UNC5D: variants seen among roughly 807,000 people sequenced by gnomAD.
The protein encoded by UNC5D is unc-5 netrin receptor D, also known as netrin receptor UNC5D.
Under a neutral mutation model 105.4 loss-of-function variants are expected in UNC5D, and 39 were observed. That is an observed-to-expected ratio of 0.37 (90% CI 0.29 to 0.48). The LOEUF (loss-of-function observed/expected upper bound fraction) is 0.48. Among genes scored for constraint, UNC5D ranks in the 20% least tolerant of loss-of-function variants. The pLI is 0.98. For missense variants in UNC5D, 991 were observed against 1,202.4 expected (o/e 0.82, Z 2.60); for synonymous variants, 452 against 450.4 (o/e 1.00, Z -0.04).
chr8:35,399,285 C>T (rs765151572), intron 1 of UNC5D, among the ~76,000 whole-genome samples: 24 of 151,968 alleles, frequency 1.6e-4, no homozygotes, highest in Non-Finnish European at 3.4e-4. Flanking sequence ...ACTCTTCATG[C>T]TATGCAGAAC....
chr8:35,528,442 A>G (rs1439400693), intron 1 of UNC5D, among the ~76,000 whole-genome samples: 1 of 148,648 alleles, frequency 6.7e-6, no homozygotes, highest in Non-Finnish European at 1.5e-5. Flanking sequence ...AATCCAGTCT[A>G]TCATTGTTGG....
chr8:35,467,813 G>A (rs956745641), intron 1 of UNC5D, among the ~76,000 whole-genome samples: 6 of 152,130 alleles, frequency 3.9e-5, no homozygotes, highest in African/African-American at 1.4e-4. Context: ...CATGGAGTGT[G>A]TTTCTGATAA....
At chr8:35,699,672 G>T (rs976669363) in intron 7 of UNC5D, among the ~76,000 whole-genome samples, 1 of 152,136 alleles carries the variant, frequency 6.6e-6, no homozygotes, top group African/African-American at 2.4e-5. Flanking sequence ...CGCTCAGATT[G>T]CATTTTAAAA....
rs568972392 is a variant in UNC5D, at chr8:35,295,275, G to A, written c.103+59388G>A. Reference sequence around the variant, plus strand: ...TACAATAGATTTTATGGTAGTAATTGCTAAAATGGATTAGTATCTCTATAT... The same window carrying A: ...TACAATAGATTTTATGGTAGTAATTACTAAAATGGATTAGTATCTCTATAT... On this transcript the variant is annotated intron_variant, in intron 1 of 16. Coordinates refer to ENST00000404895, the MANE Select transcript of UNC5D (RefSeq NM_080872.4). Among the ~76,000 whole-genome samples, 30 of 152,226 alleles carry A rather than the reference G, an allele frequency of 2.0e-4. No homozygotes were observed. In the East Asian group the frequency reaches 5.6e-3, roughly 28 times the overall value.
rs1031354904 is a variant in UNC5D at position 35,294,760 on chromosome 8, A to G, written c.103+58873A>G. Among the ~76,000 whole-genome samples the G allele has an allele frequency of 9.2e-5, 14 of 151,486 alleles. 1 individual carries two copies. The highest frequency in any genetic ancestry group is 2.9e-4 in the African/African-American group (12 of 41,268). Reference sequence around the variant, plus strand: ...TTCAGTTATTTTGAAATGGATAGCAACCACAGCTGGAGACCTCAATCTACG... The same window carrying G: ...TTCAGTTATTTTGAAATGGATAGCAGCCACAGCTGGAGACCTCAATCTACG... On this transcript the variant is annotated intron_variant, in intron 1 of 16. Transcript: ENST00000404895.
intron 1 of UNC5D, among the ~76,000 whole-genome samples, chr8:35,386,636 T>A (rs1379939208): frequency 6.6e-6 from 1 of 152,238 alleles, no homozygotes; most frequent in Non-Finnish European, 1.5e-5. Context: ...ATTGTTTGGG[T>A]TCCCCCACTT....
chr8:35,576,462 G>A (rs1048964325), intron 3 of UNC5D, among the ~76,000 whole-genome samples: 1 of 152,178 alleles, frequency 6.6e-6, no homozygotes, highest in East Asian at 1.9e-4. Flanking sequence ...AACTAGAAAT[G>A]CCCATTGATG....
intron 11 of UNC5D, 28 bp downstream of exon 11, chr8:35,731,124 G>A (rs774143160): frequency 1.2e-6 from 2 of 1,608,266 alleles, no homozygotes; most frequent in Non-Finnish European, 1.7e-6. Context: ...GCATATTAAA[G>A]AAAGTGGCTC....
chr8:35,580,440 GA>G (rs528300379), intron 3 of UNC5D, among the ~76,000 whole-genome samples: 4 of 150,336 alleles, frequency 2.7e-5, no homozygotes, highest in Admixed American at 2.0e-4. Flanking sequence ...TGCTGATGAG[GA>G]AAAAAAACAA....
chr8:35,683,129 A>G (rs930392032), intron 4 of UNC5D, among the ~76,000 whole-genome samples: 6 of 152,214 alleles, frequency 3.9e-5, no homozygotes, highest in African/African-American at 1.2e-4. Context: ...GTCTAATAAT[A>G]TAATATCCTC....
chr8:35,635,004 G>GATCC (rs1822269441), intron 4 of UNC5D, among the ~76,000 whole-genome samples: 1 of 152,044 alleles, frequency 6.6e-6, no homozygotes, highest in Non-Finnish European at 1.5e-5. Flanking sequence ...GACCTCAGGC[G>GATCC]ATCCACCCGC....
intron 7 of UNC5D, among the ~76,000 whole-genome samples, chr8:35,702,115 G>A (rs1827244921): frequency 6.6e-6 from 1 of 151,824 alleles, no homozygotes; most frequent in African/African-American, 2.4e-5. Context: ...TACTCAGAAG[G>A]TACCAATCAG....
At chr8:35,647,417 T>TGA (rs1192584730) in intron 4 of UNC5D, among the ~76,000 whole-genome samples, 2 of 151,838 alleles carry the variant, frequency 1.3e-5, no homozygotes, top group Non-Finnish European at 2.9e-5. Flanking sequence ...TGTGTGTGTG[T>TGA]GATGCTTATG....
chr8:35,444,556 C>G (rs1289150553), intron 1 of UNC5D, among the ~76,000 whole-genome samples: 1 of 152,048 alleles, frequency 6.6e-6, no homozygotes, highest in African/African-American at 2.4e-5. Flanking sequence ...CTCTCTCTCT[C>G]TCTTCCCAAA....
chr8:35,609,863 T>A (rs1367644911), intron 4 of UNC5D, among the ~76,000 whole-genome samples: 1 of 152,226 alleles, frequency 6.6e-6, no homozygotes, highest in Non-Finnish European at 1.5e-5. Context: ...CAGCTGGCTT[T>A]GTCTCTCAGT....
intron 1 of UNC5D, among the ~76,000 whole-genome samples, chr8:35,511,373 T>C (rs561485274): frequency 6.6e-6 from 1 of 151,934 alleles, no homozygotes; most frequent in South Asian, 2.1e-4. Context: ...GTGGTGTGTT[T>C]CTATAGTCCT....
At chr8:35,639,655 T>C (rs1822588702) in intron 4 of UNC5D, among the ~76,000 whole-genome samples, 1 of 152,170 alleles carries the variant, frequency 6.6e-6, no homozygotes, top group South Asian at 2.1e-4. Context: ...AAAATATTGA[T>C]ATAAATTCTG....
intron 4 of UNC5D, among the ~76,000 whole-genome samples, chr8:35,601,138 C>T (rs369380930): frequency 5.3e-5 from 8 of 151,922 alleles, no homozygotes; most frequent in Non-Finnish European, 1.0e-4. Context: ...CTGAGGGCTC[C>T]GTTCTGTTCC....
At chr8:35,434,487 A>G (rs1438585248) in intron 1 of UNC5D, among the ~76,000 whole-genome samples, 1 of 152,086 alleles carries the variant, frequency 6.6e-6, no homozygotes, top group Non-Finnish European at 1.5e-5. Flanking sequence ...CTGGAAATGT[A>G]CAATATTTGC....
Sources: gnomAD v4.1 joint callset for allele counts (sites outside exome capture counted in the v4.1 genomes callset) on GRCh38, gnomAD v4.1.1 for gene constraint, MANE v1.5 for transcripts, NCBI Gene and HGNC (gene_info 2026-07-23, HGNC 2026-07-21) for gene names.